SLIT2: variants seen among roughly 807,000 people sequenced by gnomAD.
SLIT2 encodes slit homolog 2 protein.
A neutral mutation model predicts 185.7 loss-of-function variants in SLIT2; 41 were observed. That is an observed-to-expected ratio of 0.22 (90% CI 0.17 to 0.29). SLIT2 has a LOEUF of 0.29. SLIT2 is among the 10% of genes least tolerant of loss of function. The pLI is 1.00. For missense variants in SLIT2, 1,571 were observed against 1,909.0 expected, an observed-to-expected ratio of 0.82 and a Z score of 3.30; for synonymous variants, 693 against 680.2, an observed-to-expected ratio of 1.02 and a Z score of -0.29.
chr4:20,466,516 A>G (rs1424851344), intron 4 of SLIT2, among the ~76,000 whole-genome samples: 1 of 152,200 alleles, frequency 6.6e-6, no homozygotes, highest in Admixed American at 6.6e-5. Flanking sequence ...TTAGCAAAAA[A>G]ACATTGAGGA....
At position 20,558,858 on chromosome 4, in the gene SLIT2, T is replaced by G. The variant is rs560459600; in HGVS notation, c.2725+4890T>G. On this transcript the variant is annotated intron_variant, in intron 26 of 36. Coordinates refer to ENST00000504154, the MANE Select transcript of SLIT2 (RefSeq NM_004787.4). Reference sequence around the variant, plus strand: ...GTGGTAGCCACTAGTTACATAGGATTATAGAGCACTTACAATATGGCTAAT... The same window carrying G: ...GTGGTAGCCACTAGTTACATAGGATGATAGAGCACTTACAATATGGCTAAT... 2.0e-5 allele frequency among the ~76,000 whole-genome samples: 3 copies of G among 152,160 alleles called. No homozygotes were observed. In the East Asian group the frequency reaches 5.8e-4, roughly 29 times the overall value.
chr4:20,264,503 A>C (rs549633871), intron 3 of SLIT2, among the ~76,000 whole-genome samples: 1 of 151,928 alleles, frequency 6.6e-6, no homozygotes, highest in East Asian at 1.9e-4. Flanking sequence ...ATTAGATGGA[A>C]GGTTGTGAAC....
intron 33 of SLIT2, among the ~76,000 whole-genome samples, chr4:20,598,766 C>T (rs1728181112): frequency 6.6e-6 from 1 of 152,136 alleles, no homozygotes; most frequent in African/African-American, 2.4e-5. Context: ...AAGCCTCGAC[C>T]TTTAATAGAC....
chr4:20,289,405 T>C (rs1471669649), intron 4 of SLIT2, among the ~76,000 whole-genome samples: 1 of 152,222 alleles, frequency 6.6e-6, no homozygotes. Flanking sequence ...TTGCCATTGC[T>C]ATTTTCTTGG....
intron 4 of SLIT2, among the ~76,000 whole-genome samples, chr4:20,371,750 A>G (rs1172129089): frequency 6.6e-6 from 1 of 152,104 alleles, no homozygotes; most frequent in Non-Finnish European, 1.5e-5. Context: ...GAATGTAAGA[A>G]GTTATTTTGC....
rs923764485 is a variant in SLIT2 at position 20,617,317 on chromosome 4, G to A, written c.4136+119G>A. The A allele has an allele frequency of 4.1e-5, 54 of 1,309,336 alleles. No individual in the cohort carries two copies. The African/African-American group carries it at 6.4e-4, about 15-fold the overall frequency. The allele number at this position is 1,309,336 out of a possible 1,614,324, so 81.1% of individuals were successfully genotyped here. On this transcript the variant is annotated intron_variant, in intron 35 of 36. Coordinates refer to ENST00000504154, the MANE Select transcript of SLIT2 (RefSeq NM_004787.4). ...AGGGAGGGGAGGGGAGGGGAGGTTC[G>A]TTAGGCATTAGCACTCTGTCCCTCA...
At chr4:20,542,867 A>G (rs1722936825) in intron 21 of SLIT2, among the ~76,000 whole-genome samples, 1 of 134,438 alleles carries the variant, frequency 7.4e-6, no homozygotes, top group South Asian at 2.4e-4. Flanking sequence ...TGTGTGCGCT[A>G]TAAGATTTCT....
At chr4:20,366,781 G>C (rs547298574) in intron 4 of SLIT2, among the ~76,000 whole-genome samples, 322 of 151,994 alleles carry the variant, frequency 2.1e-3, no homozygotes, top group Middle Eastern at 3.4e-3. Flanking sequence ...AATATTTTAG[G>C]GTTTTTTTAG....
At position 20,253,934 on chromosome 4, in the gene SLIT2, A is replaced by C. The variant is rs1222061618; in HGVS notation, c.119A>C (p.Asp40Ala). ...AQCSCSGSTVDCHGLALRSVP... is the reference protein window; with the variant it reads ...AQCSCSGSTVACHGLALRSVP... ...TGCTCTTGCTCGGGCAGCACAGTGG[A>C]CTGTCACGGGCTGGCGCTGCGCAGC... Residue 40 changes from aspartate to alanine, a missense_variant, in exon 1 of 37, where the codon GAC becomes GCC. Coordinates refer to ENST00000504154, the MANE Select transcript of SLIT2 (RefSeq NM_004787.4). 2 of 1,602,688 alleles carry C rather than the reference A, an allele frequency of 1.2e-6. No homozygotes were observed. The highest frequency in any genetic ancestry group is 1.7e-6 in the Non-Finnish European group (2 of 1,179,862).
intron 4 of SLIT2, among the ~76,000 whole-genome samples, chr4:20,336,369 A>T (rs1297677759): frequency 6.6e-6 from 1 of 152,196 alleles, no homozygotes; most frequent in Non-Finnish European, 1.5e-5. Context: ...GGATGAGTTC[A>T]TGTCCTTTGT....
intron 16 of SLIT2, 91 bp downstream of exon 16, chr4:20,529,190 A>G (rs2148857724): frequency 1.1e-6 from 1 of 946,598 alleles, no homozygotes; most frequent in South Asian, 2.5e-5. Context: ...TTTTATTATT[A>G]ATAATTGCAT....
intron 9 of SLIT2, among the ~76,000 whole-genome samples, chr4:20,500,146 G>A (rs1392160125): frequency 6.6e-6 from 1 of 152,084 alleles, no homozygotes; most frequent in African/African-American, 2.4e-5. Context: ...TTCTGAGTTT[G>A]CCTTGTTAAA....
At chr4:20,267,545 T>C (rs1713160674) in intron 3 of SLIT2, among the ~76,000 whole-genome samples, 1 of 151,860 alleles carries the variant, frequency 6.6e-6, no homozygotes, top group South Asian at 2.1e-4. Flanking sequence ...TTTTAAAAAA[T>C]TATATCATTT....
chr4:20,494,725 C>A (rs935768030), intron 9 of SLIT2, among the ~76,000 whole-genome samples: 1 of 151,362 alleles, frequency 6.6e-6, no homozygotes, highest in Non-Finnish European at 1.5e-5. Context: ...TTGTAGTGAG[C>A]CGAGATAGCG....
intron 11 of SLIT2, among the ~76,000 whole-genome samples, chr4:20,513,121 TCA>T (rs1719904573): frequency 6.6e-6 from 1 of 152,198 alleles, no homozygotes; most frequent in Non-Finnish European, 1.5e-5. Flanking sequence ...ATCTAAGGCC[TCA>T]TGATGAGAGC....
intron 26 of SLIT2, among the ~76,000 whole-genome samples, chr4:20,554,960 G>A (rs1724116856): frequency 6.6e-6 from 1 of 152,032 alleles, no homozygotes; most frequent in Non-Finnish European, 1.5e-5. Flanking sequence ...AGTAGAGACG[G>A]GGTTTCACCA....
chr4:20,472,385 T>TCTATATATA (rs1560453709), intron 5 of SLIT2, among the ~76,000 whole-genome samples: 1 of 39,262 alleles, frequency 2.5e-5, no homozygotes, highest in East Asian at 1.1e-3. Context: ...TCTATATATA[T>TCTATATATA]GTAGATATAT....
intron 33 of SLIT2, among the ~76,000 whole-genome samples, chr4:20,599,218 G>A (rs1242461117): frequency 3.3e-5 from 5 of 152,146 alleles, no homozygotes; most frequent in Non-Finnish European, 5.9e-5. Context: ...ATATACTGGA[G>A]ACGTGAAATG....
At chr4:20,476,012 T>C (rs933536376) in intron 5 of SLIT2, among the ~76,000 whole-genome samples, 2 of 152,200 alleles carry the variant, frequency 1.3e-5, no homozygotes, top group Admixed American at 1.3e-4. Context: ...CTCAGAATGG[T>C]CCATACCTTA....
Sources: gnomAD v4.1 joint callset for allele counts (sites outside exome capture counted in the v4.1 genomes callset) on GRCh38, gnomAD v4.1.1 for gene constraint, MANE v1.5 for transcripts, NCBI Gene and HGNC (gene_info 2026-07-23, HGNC 2026-07-21) for gene names.